Variants in LRRC4C observed in about 807,000 individuals in gnomAD.
LRRC4C encodes the protein leucine-rich repeat-containing protein 4C.
Under a neutral mutation model 33.6 loss-of-function variants are expected in LRRC4C, and 5 were observed. The observed-to-expected ratio is 0.15, with a 90% CI of 0.08 to 0.31. The LOEUF is 0.31. Ranked by LOEUF, LRRC4C falls within the 10% of genes least tolerant of loss-of-function variation. The pLI is 1.00. For synonymous variants in LRRC4C, 329 were observed against 302.0 expected, an observed-to-expected ratio of 1.09 and a Z score of -0.93; for missense variants, 560 against 796.7, an observed-to-expected ratio of 0.70 and a Z score of 3.58.
intron 5 of LRRC4C, among the ~76,000 whole-genome samples, chr11:40,210,276 C>T (rs939459080): frequency 6.6e-6 from 1 of 150,668 alleles, no homozygotes; most frequent in Admixed American, 6.6e-5. Flanking sequence ...AAAACAAAAA[C>T]CAAAAAACAC....
intron 3 of LRRC4C, among the ~76,000 whole-genome samples, chr11:40,473,928 A>G (rs1429517306): frequency 1.3e-5 from 2 of 152,182 alleles, no homozygotes; most frequent in African/African-American, 4.8e-5. Flanking sequence ...GAGAACTACA[A>G]ACCACTGCTC....
intron 1 of LRRC4C, among the ~76,000 whole-genome samples, chr11:41,327,227 C>A (rs1188848179): frequency 6.6e-6 from 1 of 152,094 alleles, no homozygotes; most frequent in African/African-American, 2.4e-5. Flanking sequence ...AAAGTTAAGG[C>A]TAATCTCCCT....
intron 3 of LRRC4C, among the ~76,000 whole-genome samples, chr11:40,513,726 G>GT (rs1329815074): frequency 3.9e-5 from 6 of 152,262 alleles, no homozygotes; most frequent in South Asian, 4.1e-4. Flanking sequence ...ATAGAAGTGA[G>GT]TTTTTTCTAT....
In LRRC4C at chr11:40,493,558, A is replaced by C. The variant is rs180779700; in HGVS notation, c.-270+154584T>G. 2.2e-3 allele frequency among the ~76,000 whole-genome samples: 331 copies of C among 152,292 alleles called. 1 individual carries two copies. The highest frequency in any genetic ancestry group is 3.7e-3 in the Non-Finnish European group (251 of 68,024). ...CTCAGAATGAATGAGTAAAGGTAAA[A>C]AAAAAATTGTGTGATTGATGTGTAC... On this transcript the variant is annotated intron_variant, in intron 3 of 6. Transcript: ENST00000528697.
chr11:41,415,477 A>C lies in LRRC4C; in HGVS notation c.-496+43954T>G, dbSNP rs573111337. On this transcript the variant is annotated intron_variant, in intron 1 of 6. Coordinates refer to ENST00000528697, the MANE Select transcript of LRRC4C (RefSeq NM_001258419.2). ...AAGTCCTTGTTCAAGTTTAACCGCT[A>C]ATTCACTATGTGACTTGGGAAAATG... Among the ~76,000 whole-genome samples, 35 of 152,290 alleles carry C rather than the reference A, an allele frequency of 2.3e-4. No individual in the cohort carries two copies. The South Asian group carries it at 7.0e-3, about 31-fold the overall frequency.
chr11:41,215,360 C>T (rs749491044), intron 1 of LRRC4C, among the ~76,000 whole-genome samples: 8 of 151,478 alleles, frequency 5.3e-5, no homozygotes, highest in African/African-American at 9.7e-5. Context: ...TGGTGGTGCA[C>T]GCCTGTGATC....
intron 1 of LRRC4C, among the ~76,000 whole-genome samples, chr11:41,088,226 T>A (rs1940147794): frequency 6.6e-6 from 1 of 152,070 alleles, no homozygotes; most frequent in African/African-American, 2.4e-5. Flanking sequence ...AGCAAAAATA[T>A]CAGAGCAATG....
intron 4 of LRRC4C, among the ~76,000 whole-genome samples, chr11:40,269,904 C>G (rs903560122): frequency 2.0e-5 from 3 of 151,986 alleles, no homozygotes; most frequent in African/African-American, 7.2e-5. Context: ...CTTGGGATTC[C>G]TTTTTAGAAT....
intron 2 of LRRC4C, among the ~76,000 whole-genome samples, chr11:40,659,843 C>G (rs569915420): frequency 2.0e-5 from 3 of 152,312 alleles, no homozygotes; most frequent in Admixed American, 6.5e-5. Context: ...CCACCTTGCT[C>G]ACCCTCCAGT....
At chr11:41,414,203 G>A (rs966301802) in intron 1 of LRRC4C, among the ~76,000 whole-genome samples, 2 of 152,102 alleles carry the variant, frequency 1.3e-5, no homozygotes, top group African/African-American at 2.4e-5. Context: ...TGATAAGTGT[G>A]TTACTTCCTA....
intron 3 of LRRC4C, among the ~76,000 whole-genome samples, chr11:40,545,189 A>G (rs1192725693): frequency 6.6e-6 from 1 of 152,016 alleles, no homozygotes; most frequent in African/African-American, 2.4e-5. Flanking sequence ...TAACCATACC[A>G]TGTTTTAATT....
intron 2 of LRRC4C, among the ~76,000 whole-genome samples, chr11:40,762,148 G>C (rs1028270350): frequency 6.6e-6 from 1 of 152,150 alleles, no homozygotes; most frequent in African/African-American, 2.4e-5. Context: ...GCCATGGAAA[G>C]CTACTCCTCT....
chr11:41,394,028 C>A lies in LRRC4C; in HGVS notation c.-496+65403G>T, dbSNP rs144679639. The stretch of plus-strand genomic sequence containing the variant: ...TCACCTGCACCTTTTATCAAATATG[C>A]AAAGAGGCACTCTAGGGAGCCTTAA... On this transcript the variant is annotated intron_variant, in intron 1 of 6. Transcript: ENST00000528697. Among the ~76,000 whole-genome samples the A allele has an allele frequency of 8.9e-4, 136 of 152,032 alleles. 1 individual carries two copies. Among genetic ancestry groups the A allele is most frequent in the African/African-American group, 3.1e-3 (130 of 41,536 alleles).
At chr11:41,314,550 A>T (rs1023522984) in intron 1 of LRRC4C, among the ~76,000 whole-genome samples, 2 of 152,144 alleles carry the variant, frequency 1.3e-5, no homozygotes, top group Non-Finnish European at 2.9e-5. Context: ...CTGTATAAAA[A>T]CTATAATTTC....
intron 1 of LRRC4C, among the ~76,000 whole-genome samples, chr11:41,067,525 G>A (rs1338823712): frequency 6.6e-6 from 1 of 152,094 alleles, no homozygotes; most frequent in African/African-American, 2.4e-5. Context: ...AATTAACAAG[G>A]ATATTCAAGA....
chr11:41,388,820 T>C (rs1161082632), intron 1 of LRRC4C, among the ~76,000 whole-genome samples: 1 of 151,908 alleles, frequency 6.6e-6, no homozygotes, highest in Non-Finnish European at 1.5e-5. Flanking sequence ...CCCTTAGTAG[T>C]TCCTTAAATA....
chr11:40,952,748 A>G (rs1232474485), intron 1 of LRRC4C, among the ~76,000 whole-genome samples: 1 of 151,736 alleles, frequency 6.6e-6, no homozygotes, highest in Admixed American at 6.6e-5. Flanking sequence ...TCTTGATCAC[A>G]ATCAGGCATC....
At chr11:40,416,138 C>A (rs1191480420) in intron 3 of LRRC4C, among the ~76,000 whole-genome samples, 1 of 152,160 alleles carries the variant, frequency 6.6e-6, no homozygotes, top group East Asian at 1.9e-4. Context: ...GGAAAACCTT[C>A]ATAATTCAAT....
chr11:41,317,536 C>T (rs1195312591), intron 1 of LRRC4C, among the ~76,000 whole-genome samples: 1 of 152,088 alleles, frequency 6.6e-6, no homozygotes, highest in Non-Finnish European at 1.5e-5. Context: ...ACGTTCCATA[C>T]CCAACATAAC....
Sources: gnomAD v4.1 joint callset for allele counts (sites outside exome capture counted in the v4.1 genomes callset) on GRCh38, gnomAD v4.1.1 for gene constraint, MANE v1.5 for transcripts, NCBI Gene and HGNC (gene_info 2026-07-23, HGNC 2026-07-21) for gene names.